ZHX3: variants seen among roughly 807,000 people sequenced by gnomAD.
The protein encoded by ZHX3 is zinc fingers and homeoboxes protein 3.
In ZHX3, 20 loss-of-function variants were observed where a neutral mutation model predicts 64.5. The observed-to-expected ratio is 0.31, with a 90% CI of 0.22 to 0.45. The LOEUF (loss-of-function observed/expected upper bound fraction) is 0.45. ZHX3 is among the 20% of genes least tolerant of loss of function. The pLI is 1.00. For synonymous variants in ZHX3, 423 were observed against 461.6 expected (o/e 0.92, Z 1.07); for missense variants, 1,041 against 1,195.8 (o/e 0.87, Z 1.91).
intron 2 of ZHX3, among the ~76,000 whole-genome samples, chr20:41,263,983 G>A (rs1222575721): frequency 6.6e-6 from 1 of 152,042 alleles, no homozygotes; most frequent in Admixed American, 6.5e-5. Flanking sequence ...ACAAAAAGAA[G>A]CAATAAAATT....
At chr20:41,284,893 G>C (rs1040255428) in intron 1 of ZHX3, among the ~76,000 whole-genome samples, 2 of 152,190 alleles carry the variant, frequency 1.3e-5, no homozygotes, top group South Asian at 4.2e-4. Flanking sequence ...CATTACTTTA[G>C]GGTCCTAGAT....
At position 41,184,563 on chromosome 20, in the gene ZHX3, C is replaced by G. The variant is rs1306501664; in HGVS notation, c.*628G>C. The G allele has an allele frequency of 3.6e-6, 1 of 280,436 alleles. No homozygotes were observed. The highest frequency in any genetic ancestry group is 9.3e-5 in the East Asian group (1 of 10,708). The allele number at this position is 280,436 out of a possible 1,614,324, so 17.4% of individuals were successfully genotyped here. A position where few individuals can be genotyped will look rare whatever the true frequency, so the allele number is the denominator to read the frequency against. ...GTTCTGCACTGAGTAGCCCACAAGG[C>G]AAAGCAAGCCTGACATGAAACGTAG... On this transcript the variant is annotated 3_prime_UTR_variant, in exon 4 of 4. Coordinates refer to ENST00000683867, the MANE Select transcript of ZHX3 (RefSeq NM_001384317.1).
chr20:41,202,507 G>C lies in ZHX3; in HGVS notation c.2410C>G (p.Pro804Ala). 3.1e-6 allele frequency: 5 copies of C among 1,614,126 alleles called. No individual in the cohort carries two copies. Among genetic ancestry groups the C allele is most frequent in the Non-Finnish European group, 3.4e-6 (4 of 1,180,028 alleles). ...AACCAGCGCACCACCTCTGGCCGTG[G>C]CAGACCCGTCTGGGCCATGATGGAG... is the stretch of plus-strand genomic sequence containing the variant. ...YDSIMAQTGL[P>A]RPEVVRWFGD... The change falls in exon 3 of 4, where the codon CCA (proline) becomes GCA (alanine). Residue 804 changes from proline to alanine, a missense_variant. Physicochemically the swap from Pro to Ala is conservative, Grantham distance 27. Around this residue, in one of 4 missense-constraint regions of ZHX3, gnomAD observed 649 missense variants for 739.8 expected, o/e 0.88. Transcript: ENST00000683867. The surrounding 1 kb of genome is among the most constrained non-coding windows in gnomAD (Gnocchi z 7.0).
intron 1 of ZHX3, among the ~76,000 whole-genome samples, chr20:41,297,499 C>T (rs2044593402): frequency 6.6e-6 from 1 of 152,210 alleles, no homozygotes; most frequent in African/African-American, 2.4e-5. Context: ...GGAAACATAG[C>T]AGCCTCGCAA....
chr20:41,306,451 G>A (rs898842236), intron 1 of ZHX3, among the ~76,000 whole-genome samples: 4 of 152,154 alleles, frequency 2.6e-5, no homozygotes, highest in African/African-American at 9.7e-5. Context: ...CTAGACACCA[G>A]GCCTTTCTTC....
chr20:41,270,374 CAAAAAAA>C (rs71193635), intron 1 of ZHX3, among the ~76,000 whole-genome samples: 1 of 83,580 alleles, frequency 1.2e-5, no homozygotes. Flanking sequence ...AAACTCCGTC[CAAAAAAA>C]AAAAAAAAAA....
chr20:41,294,060 T>C (rs2044380047), intron 1 of ZHX3, among the ~76,000 whole-genome samples: 1 of 151,976 alleles, frequency 6.6e-6, no homozygotes, highest in Non-Finnish European at 1.5e-5. Context: ...AAGAAGTGAA[T>C]AGACAAAAGT....
chr20:41,240,963 G>A (rs2041342509), intron 2 of ZHX3, among the ~76,000 whole-genome samples: 1 of 152,182 alleles, frequency 6.6e-6, no homozygotes, highest in Admixed American at 6.5e-5. Context: ...TGTGAATAGT[G>A]CTACAATAAA....
chr20:41,310,435 G>A (rs2045097129), intron 1 of ZHX3, among the ~76,000 whole-genome samples: 1 of 152,076 alleles, frequency 6.6e-6, no homozygotes, highest in Non-Finnish European at 1.5e-5. Flanking sequence ...TGCTCATAAG[G>A]CATCCCACCA....
chr20:41,307,563 T>C (rs2045015936), intron 1 of ZHX3, among the ~76,000 whole-genome samples: 1 of 152,232 alleles, frequency 6.6e-6, no homozygotes, highest in Non-Finnish European at 1.5e-5. Flanking sequence ...TATTCCTTAA[T>C]GCATCACACA....
rs1283423083 is a variant in ZHX3, at chr20:41,184,936, G to A, written c.*255C>T. On this transcript the variant is annotated 3_prime_UTR_variant, in exon 4 of 4. Transcript: ENST00000683867. ...GAACTCTGAACTATTTTATCCATTG[G>A]AAGGTAAAGGAAAGGTCCTACATTG... 2 of 1,542,072 alleles carry A rather than the reference G, an allele frequency of 1.3e-6. No homozygotes were observed. The highest frequency in any genetic ancestry group is 1.2e-5 in the South Asian group (1 of 84,048).
chr20:41,314,161 C>T (rs375526384), intron 1 of ZHX3, among the ~76,000 whole-genome samples: 1 of 152,088 alleles, frequency 6.6e-6, no homozygotes, highest in Non-Finnish European at 1.5e-5. Flanking sequence ...AAATTCTACC[C>T]CAAGATACAA....
intron 1 of ZHX3, among the ~76,000 whole-genome samples, chr20:41,281,904 G>A (rs1052622548): frequency 6.6e-5 from 10 of 152,170 alleles, no homozygotes; most frequent in Non-Finnish European, 1.5e-4. Context: ...TAGCAGCTGA[G>A]AGAGAAGGCA....
chr20:41,189,016 A>G (rs1345797668), intron 3 of ZHX3, among the ~76,000 whole-genome samples: 1 of 152,106 alleles, frequency 6.6e-6, no homozygotes, highest in African/African-American at 2.4e-5. Context: ...TAACTTTTGT[A>G]TATGGTGAGA....
chr20:41,309,547 G>A (rs2045070575), intron 1 of ZHX3, among the ~76,000 whole-genome samples: 1 of 152,130 alleles, frequency 6.6e-6, no homozygotes. Flanking sequence ...CTCTTGAATT[G>A]GGATTCCTTC....
At chr20:41,274,472 G>A (rs2043290680) in intron 1 of ZHX3, among the ~76,000 whole-genome samples, 1 of 152,296 alleles carries the variant, frequency 6.6e-6, no homozygotes, top group South Asian at 2.1e-4. Flanking sequence ...GGTGTCGGTT[G>A]GAGAGGAAGG....
intron 1 of ZHX3, among the ~76,000 whole-genome samples, chr20:41,270,875 C>A (rs2043110760): frequency 6.6e-6 from 1 of 152,104 alleles, no homozygotes; most frequent in Non-Finnish European, 1.5e-5. Flanking sequence ...TACTGAGAAA[C>A]AACTTCTAAT....
Position 41,185,292 on chromosome 20 carries a change from A to G in ZHX3, c.2861-91T>C, listed in dbSNP as rs1352669894. Reference sequence around the variant, plus strand: ...GTCCTTGCTATACCAGGGTGGCATCACTGGCTTTGAGGACCTCTTAATTCC... The same window carrying G: ...GTCCTTGCTATACCAGGGTGGCATCGCTGGCTTTGAGGACCTCTTAATTCC... On this transcript the variant is annotated intron_variant, in intron 3 of 3. Transcript: ENST00000683867. The surrounding 1 kb of genome is among the most constrained non-coding windows in gnomAD (Gnocchi z 5.0). 1 of 1,452,690 alleles carries G rather than the reference A, an allele frequency of 6.9e-7. No individual in the cohort carries two copies. The highest frequency in any genetic ancestry group is 9.2e-7 in the Non-Finnish European group (1 of 1,082,174). The allele number at this position is 1,452,690 out of a possible 1,614,324, so 90.0% of individuals were successfully genotyped here.
In ZHX3 at chr20:41,226,592, G is replaced by T. The variant is rs369335122; in HGVS notation, c.-150-21526C>A. On this transcript the variant is annotated intron_variant, in intron 2 of 3. Transcript: ENST00000683867. The surrounding 1 kb of genome is among the most constrained non-coding windows in gnomAD (Gnocchi z 4.4). The stretch of plus-strand genomic sequence containing the variant: ...AAGCTCTCCACAATCCTATGATGCT[G>T]GCAGAGCAGCAGAAATCACAGGAGT... 6.6e-6 allele frequency among the ~76,000 whole-genome samples: 1 copy of T among 152,102 alleles called. No individual in the cohort carries two copies.
Sources: allele counts gnomAD v4.1 joint callset (sites outside exome capture counted in the v4.1 genomes callset), GRCh38; gene constraint gnomAD v4.1.1; regional missense constraint gnomAD v4.1.1; non-coding constraint Gnocchi (gnomAD v3.1); transcripts MANE v1.5; gene names NCBI Gene and HGNC (gene_info 2026-07-23, HGNC 2026-07-21).